Variants in PHF14 observed in about 807,000 individuals in gnomAD.
PHF14 encodes the protein PHD finger protein 14.
Under a neutral mutation model 117.9 loss-of-function variants are expected in PHF14, and 55 were observed. That is an observed-to-expected ratio of 0.47 (90% CI 0.38 to 0.58). The LOEUF (loss-of-function observed/expected upper bound fraction) is 0.58, where lower values mean the gene tolerates loss of function less well. Ranked by LOEUF, PHF14 falls within the 20% of genes least tolerant of loss-of-function variation. The probability of loss-of-function intolerance (pLI) is 0.00; values close to 1 mark genes in which losing one functional copy is unlikely to be tolerated. For missense variants in PHF14, 978 were observed against 1,122.2 expected (o/e 0.87, Z 1.84); for synonymous variants, 409 against 368.6 (o/e 1.11, Z -1.26).
intron 17 of PHF14, among the ~76,000 whole-genome samples, chr7:11,138,299 C>G (rs947867666): frequency 7.2e-5 from 11 of 152,060 alleles, no homozygotes; most frequent in African/African-American, 1.9e-4. Flanking sequence ...CCTCGGCCCC[C>G]CAAAGTGCTG....
intron 17 of PHF14, among the ~76,000 whole-genome samples, chr7:11,158,211 C>T (rs73065421): frequency 0.11 from 16,650 of 152,104 alleles, 1,054 homozygotes; most frequent in South Asian, 0.23. Flanking sequence ...CATTATGTCT[C>T]CTCAATCTCT....
intron 17 of PHF14, among the ~76,000 whole-genome samples, chr7:11,147,306 C>T (rs971293195): frequency 6.6e-6 from 1 of 152,128 alleles, no homozygotes; most frequent in South Asian, 2.1e-4. Flanking sequence ...AGCTCAAGGC[C>T]GTCAGGAGTG....
intron 16 of PHF14, among the ~76,000 whole-genome samples, chr7:11,091,394 A>G (rs201971731): frequency 1.4e-4 from 22 of 152,310 alleles, no homozygotes; most frequent in Admixed American, 5.9e-4. Flanking sequence ...ATAGGTGAAT[A>G]GAGGGTTTTT....
At chr7:11,088,972 G>T (rs969948988) in intron 16 of PHF14, among the ~76,000 whole-genome samples, 2 of 152,044 alleles carry the variant, frequency 1.3e-5, no homozygotes, top group African/African-American at 4.8e-5. Context: ...TATTATTTTA[G>T]AATGGTAGGA....
At chr7:11,099,500 C>A (rs959754953) in intron 16 of PHF14, among the ~76,000 whole-genome samples, 1 of 152,030 alleles carries the variant, frequency 6.6e-6, no homozygotes, top group African/African-American at 2.4e-5. Flanking sequence ...TTTCAAGCAC[C>A]TACAGCAGTG....
intron 16 of PHF14, among the ~76,000 whole-genome samples, chr7:11,064,443 A>T (rs1421334038): frequency 6.6e-6 from 1 of 151,924 alleles, no homozygotes; most frequent in East Asian, 1.9e-4. Flanking sequence ...TTACTCAGAC[A>T]TACGTGTATG....
intron 17 of PHF14, among the ~76,000 whole-genome samples, chr7:11,162,237 C>T (rs1419015641): frequency 9.9e-5 from 15 of 151,540 alleles, no homozygotes; most frequent in African/African-American, 2.7e-4. Context: ...TACAGGCACA[C>T]GCCACCATAC....
chr7:11,103,200 T>C (rs1787148684), intron 16 of PHF14: 3 of 963,798 alleles, frequency 3.1e-6, no homozygotes, highest in Middle Eastern at 5.3e-4. Flanking sequence ...TTAATATTAT[T>C]AGCATGAAAT....
intron 7 of PHF14, among the ~76,000 whole-genome samples, chr7:11,030,637 T>A (rs1267400391): frequency 6.6e-6 from 1 of 152,098 alleles, no homozygotes; most frequent in Non-Finnish European, 1.5e-5. Flanking sequence ...ATAAGCTAAT[T>A]TGAGGAAATT....
chr7:11,135,771 C>T (rs1788203044), intron 17 of PHF14, among the ~76,000 whole-genome samples: 2 of 152,092 alleles, frequency 1.3e-5, no homozygotes, highest in African/African-American at 4.8e-5. Context: ...CCTTCTACCT[C>T]AGGCCACACA....
chr7:10,977,950 A>G (rs1781922777), intron 2 of PHF14, among the ~76,000 whole-genome samples: 1 of 152,196 alleles, frequency 6.6e-6, no homozygotes, highest in African/African-American at 2.4e-5. Flanking sequence ...GTTTTAAAGA[A>G]TGTTTACATC....
At chr7:11,024,961 A>G (rs1022162626) in intron 6 of PHF14, among the ~76,000 whole-genome samples, 25 of 152,226 alleles carry the variant, frequency 1.6e-4, no homozygotes, top group African/African-American at 5.5e-4. Flanking sequence ...GGCAAAGTAA[A>G]TTGAAAACCT....
intron 16 of PHF14, among the ~76,000 whole-genome samples, chr7:11,077,599 TAAAA>T (rs10658162): frequency 9.5e-6 from 1 of 105,058 alleles, no homozygotes. Context: ...GACTCTGTCT[TAAAA>T]AAAAAAAAAA....
chr7:11,103,996 A>T, intron 16 of PHF14: 1 of 984,996 alleles, frequency 1.0e-6, no homozygotes, highest in Non-Finnish European at 1.2e-6. Flanking sequence ...CTGTTGCTGA[A>T]CTCTGGCTGC....
chr7:10,976,688 G>C (rs1270776079), intron 2 of PHF14, among the ~76,000 whole-genome samples: 1 of 151,828 alleles, frequency 6.6e-6, no homozygotes, highest in Admixed American at 6.6e-5. Flanking sequence ...GCTAAGTAGA[G>C]ATTTCTGACC....
intron 9 of PHF14, 67 bp downstream of exon 9, chr7:11,036,755 T>C: frequency 1.4e-6 from 2 of 1,391,652 alleles, no homozygotes; most frequent in Admixed American, 2.1e-5. Flanking sequence ...ATGTTTGATA[T>C]ACTGTTAATT....
rs542313796 is a variant in PHF14, at chr7:11,140,893, T to G, written c.2773-28523T>G. On this transcript the variant is annotated intron_variant, in intron 17 of 17. Coordinates refer to ENST00000634607, the MANE Select transcript of PHF14 (RefSeq NM_001007157.2). ...GCGTCTTTGATATATGGTCAGTTTCTTCATGTAAATGTCCAAAAACCAATA... is the reference window on the plus strand; with the variant it reads ...GCGTCTTTGATATATGGTCAGTTTCGTCATGTAAATGTCCAAAAACCAATA... Among the ~76,000 whole-genome samples the G allele has an allele frequency of 5.3e-5, 8 of 152,276 alleles. 1 individual carries two copies. In the South Asian group the frequency reaches 1.7e-3, roughly 32 times the overall value.
At chr7:11,107,257 G>A (rs1442877354) in intron 16 of PHF14, 1 of 979,028 alleles carries the variant, frequency 1.0e-6, no homozygotes, top group Non-Finnish European at 1.2e-6. Flanking sequence ...ATGGATCATA[G>A]CACATATGAA....
At chr7:11,166,350 A>G (rs889779694) in intron 17 of PHF14, among the ~76,000 whole-genome samples, 8 of 151,774 alleles carry the variant, frequency 5.3e-5, no homozygotes, top group Non-Finnish European at 1.2e-4. Flanking sequence ...ACCCTCCTGT[A>G]TATCAGAAGA....
Sources: allele counts gnomAD v4.1 joint callset (sites outside exome capture counted in the v4.1 genomes callset), GRCh38; gene constraint gnomAD v4.1.1; transcripts MANE v1.5; gene names NCBI Gene and HGNC (gene_info 2026-07-23, HGNC 2026-07-21).